Variants in TP73 observed in about 807,000 individuals in gnomAD.
TP73 encodes tumor protein p73, also known as p53-like transcription factor.
In TP73, 25 loss-of-function variants were observed where a neutral mutation model predicts 62.5. The ratio of observed to expected loss-of-function variants is 0.40; its 90% CI spans 0.29 to 0.56. The LOEUF (loss-of-function observed/expected upper bound fraction) is 0.56. Among genes scored for constraint, TP73 ranks in the 20% least tolerant of loss-of-function variants. TP73 has a pLI of 0.46. For missense variants in TP73, 754 were observed against 913.3 expected, an observed-to-expected ratio of 0.83 and a Z score of 2.25; for synonymous variants, 423 against 377.5, an observed-to-expected ratio of 1.12 and a Z score of -1.40.
At chr1:3,718,786 T>C (rs762294868) in intron 4 of TP73, among the ~76,000 whole-genome samples, 40 of 152,252 alleles carry the variant, frequency 2.6e-4, no homozygotes, top group Middle Eastern at 3.4e-3. Context: ...TCTCAGGCCA[T>C]GGGCTGTGGC....
At position 3,735,744 on chromosome 1, in the gene TP73, T is replaced by A. The variant is rs1642423666; in HGVS notation, c.*2665T>A. 6.6e-6 allele frequency: 1 copy of A among 152,186 alleles called. No homozygotes were observed. Among genetic ancestry groups the A allele is most frequent in the Non-Finnish European group, 1.5e-5 (1 of 68,052 alleles). The allele number at this position is 152,186 out of a possible 1,614,324, so 9.4% of individuals were successfully genotyped here. ...TGGGGCCAAGGGGGACAGGCAGTGGTCCTGAGTCTGCTCAGAGAGGCAAGG... is the reference window on the plus strand; with the variant it reads ...TGGGGCCAAGGGGGACAGGCAGTGGACCTGAGTCTGCTCAGAGAGGCAAGG... On this transcript the variant is annotated 3_prime_UTR_variant, in exon 14 of 14. Transcript: ENST00000378295.
intron 4 of TP73, among the ~76,000 whole-genome samples, chr1:3,717,435 G>A (rs1640700869): frequency 6.6e-6 from 1 of 152,258 alleles, no homozygotes. Context: ...CGCACCCTGG[G>A]CAGGCAAGTC....
chr1:3,698,367 C>G (rs1486006758), intron 3 of TP73, among the ~76,000 whole-genome samples: 2 of 152,204 alleles, frequency 1.3e-5, no homozygotes, highest in Non-Finnish European at 2.9e-5. Context: ...TAAATAAAGT[C>G]TGTGCATCCT....
At chr1:3,703,362 G>C (rs1639372119) in intron 3 of TP73, among the ~76,000 whole-genome samples, 1 of 152,168 alleles carries the variant, frequency 6.6e-6, no homozygotes, top group Non-Finnish European at 1.5e-5. Flanking sequence ...CAGAGGGAGA[G>C]GCCGACATCG....
At chr1:3,727,501 C>G (rs1641749261) in intron 7 of TP73, 127 bp from the exon 8 acceptor site, 1 of 1,348,246 alleles carries the variant, frequency 7.4e-7, no homozygotes, top group East Asian at 2.5e-5. Flanking sequence ...GCTGCCGGCA[C>G]TGGGTGCTCT....
At chr1:3,697,989 C>A in intron 3 of TP73, 1 of 725,568 alleles carries the variant, frequency 1.4e-6, no homozygotes, top group Non-Finnish European at 1.7e-6. Context: ...GTACCCTGCA[C>A]TGCACGTGTC....
intron 1 of TP73, among the ~76,000 whole-genome samples, chr1:3,661,935 C>G (rs1020083410): frequency 6.7e-6 from 1 of 149,698 alleles, no homozygotes; most frequent in African/African-American, 2.5e-5. Context: ...TGGTGCCCAC[C>G]TGTCTCCCAG....
At chr1:3,677,182 G>A (rs183745525) in intron 1 of TP73, among the ~76,000 whole-genome samples, 28 of 152,294 alleles carry the variant, frequency 1.8e-4, no homozygotes, top group Non-Finnish European at 3.4e-4. Context: ...AATTGCTGGT[G>A]TGAGTTCCTT....
At chr1:3,661,487 T>A (rs1644985740) in intron 1 of TP73, among the ~76,000 whole-genome samples, 1 of 151,908 alleles carries the variant, frequency 6.6e-6, no homozygotes, top group Non-Finnish European at 1.5e-5. Flanking sequence ...CATGAGCGGA[T>A]CACTAGAGCC....
rs564456693 is a variant in TP73, at chr1:3,706,851, C to A, written c.187-698C>A. Among the ~76,000 whole-genome samples the A allele has an allele frequency of 3.7e-3, 561 of 152,128 alleles. 3 individuals carry two copies. The highest frequency in any genetic ancestry group is 0.013 in the African/African-American group (529 of 41,488). On this transcript the variant is annotated intron_variant, in intron 3 of 13. Coordinates refer to ENST00000378295, the MANE Select transcript of TP73 (RefSeq NM_005427.4). ...GGGGGAGCTGCGGGTAGGGGCCTAA[C>A]GAGAGAACCCCGGGCCAGGGGGCAG...
chr1:3,681,199 C>T (rs1645511834), intron 1 of TP73, among the ~76,000 whole-genome samples: 1 of 152,234 alleles, frequency 6.6e-6, no homozygotes, highest in African/African-American at 2.4e-5. Flanking sequence ...AGGTTCCAGG[C>T]CATGGCCTGC....
intron 4 of TP73, chr1:3,714,080 C>G (rs539160108): frequency 6.6e-6 from 1 of 152,342 alleles, no homozygotes; most frequent in African/African-American, 2.4e-5. Context: ...GGAGACACCA[C>G]TCTCTGCAGG....
At chr1:3,673,070 C>T (rs116741157) in intron 1 of TP73, among the ~76,000 whole-genome samples, 14 of 152,342 alleles carry the variant, frequency 9.2e-5, no homozygotes, top group Admixed American at 1.3e-4. Flanking sequence ...CTGTTTACCG[C>T]GTTGCATGCC....
intron 4 of TP73, among the ~76,000 whole-genome samples, chr1:3,715,076 G>A (rs546223325): frequency 6.6e-6 from 1 of 152,180 alleles, no homozygotes; most frequent in Non-Finnish European, 1.5e-5. Flanking sequence ...GGCTGGAGCT[G>A]TCCAGGCTGG....
Position 3,701,394 on chromosome 1 carries a change from A to G in TP73, c.187-6155A>G, listed in dbSNP as rs1206329259. 1.3e-5 allele frequency among the ~76,000 whole-genome samples: 2 copies of G among 152,106 alleles called. No homozygotes were observed. The highest frequency in any genetic ancestry group is 2.9e-5 in the Non-Finnish European group (2 of 68,016). On this transcript the variant is annotated intron_variant, in intron 3 of 13. Transcript: ENST00000378295. The surrounding 1 kb of genome is among the most constrained non-coding windows in gnomAD (Gnocchi z 4.7). Reference sequence around the variant, plus strand: ...CCTCGTGCATGGGAGCTTCCTGGACATTGGTTCCAGGAGGGCTCCCGGGCG... The same window carrying G: ...CCTCGTGCATGGGAGCTTCCTGGACGTTGGTTCCAGGAGGGCTCCCGGGCG...
chr1:3,712,851 AC>A (rs1431771803), intron 4 of TP73, among the ~76,000 whole-genome samples: 1 of 151,928 alleles, frequency 6.6e-6, no homozygotes, highest in African/African-American at 2.4e-5. Context: ...CAGCAGCCAG[AC>A]CCCTAACCTT....
chr1:3,726,977 C>T (rs1267480605), intron 6 of TP73, 138 bp from the exon 7 acceptor site: 20 of 607,832 alleles, frequency 3.3e-5, no homozygotes, highest in Non-Finnish European at 2.9e-6. Context: ...GACAGATATA[C>T]AAATGGCAAC....
At chr1:3,693,236 G>A (rs1310313483) in intron 3 of TP73, among the ~76,000 whole-genome samples, 2 of 152,190 alleles carry the variant, frequency 1.3e-5, no homozygotes, top group East Asian at 3.8e-4. Context: ...CTTACTGCAG[G>A]AACGTATTTT....
At chr1:3,707,957 G>T (rs1639816134) in intron 4 of TP73, 166 bp downstream of exon 4, 4 of 1,201,900 alleles carry the variant, frequency 3.3e-6, no homozygotes, top group South Asian at 3.0e-5. Flanking sequence ...GGGTCTCAGG[G>T]CCGGGCAGTC....
Sources: gnomAD v4.1 joint callset for allele counts (sites outside exome capture counted in the v4.1 genomes callset) on GRCh38, gnomAD v4.1.1 for gene constraint, Gnocchi (gnomAD v3.1) non-coding constraint, MANE v1.5 for transcripts, NCBI Gene and HGNC (gene_info 2026-07-23, HGNC 2026-07-21) for gene names.